PPP1R1C: variants seen among roughly 807,000 people sequenced by gnomAD.
PPP1R1C encodes protein phosphatase 1 regulatory inhibitor subunit 1C.
PPP1R1C carries 15 observed loss-of-function variants against 17.4 expected under a neutral mutation model. That is an observed-to-expected ratio of 0.86 (90% CI 0.58 to 1.33). The LOEUF (loss-of-function observed/expected upper bound fraction) is 1.33, where lower values mean the gene tolerates loss of function less well. Among genes scored for constraint, PPP1R1C ranks in the 40% most tolerant of loss-of-function variants. The pLI is 0.00. For missense variants in PPP1R1C, 143 were observed against 130.0 expected (o/e 1.10, Z -0.48); for synonymous variants, 35 against 43.1 (o/e 0.81, Z 0.73).
rs138060673 is a variant in PPP1R1C, at chr2:182,123,868, T to C, written c.*7-5106T>C. Among the ~76,000 whole-genome samples the C allele has an allele frequency of 2.8e-3, 430 of 152,354 alleles. 4 individuals are homozygous for C. The highest frequency in any genetic ancestry group is 4.7e-3 in the Non-Finnish European group (318 of 68,034). ...AGCTCTTTAGTTTAATTGGATCCCA[T>C]TTGTCAATTTTGGCTTTTGTTGCCA... On this transcript the variant is annotated intron_variant, in intron 5 of 5. Transcript: ENST00000280295.
chr2:182,076,283 C>T (rs1688308477), intron 4 of PPP1R1C, among the ~76,000 whole-genome samples: 1 of 135,280 alleles, frequency 7.4e-6, no homozygotes, highest in Non-Finnish European at 1.5e-5. Flanking sequence ...CAAGCTCTGC[C>T]TCCCAGGTTC....
intron 4 of PPP1R1C, among the ~76,000 whole-genome samples, chr2:182,080,612 A>G (rs544915252): frequency 6.6e-6 from 1 of 152,336 alleles, no homozygotes; most frequent in South Asian, 2.1e-4. Flanking sequence ...TCTAATTCAG[A>G]CTATATGTCT....
intron 1 of PPP1R1C, among the ~76,000 whole-genome samples, chr2:181,986,803 C>A (rs1685310594): frequency 6.6e-6 from 1 of 152,144 alleles, no homozygotes; most frequent in Non-Finnish European, 1.5e-5. Flanking sequence ...TGGTTTACAT[C>A]TGTATCACCT....
intron 5 of PPP1R1C, among the ~76,000 whole-genome samples, chr2:182,128,256 A>G (rs370801917): frequency 3.9e-5 from 6 of 152,244 alleles, no homozygotes; most frequent in East Asian, 1.9e-4. Context: ...TCTGATAATG[A>G]TAAGTTTCTG....
At chr2:182,055,541 GTA>G (rs1687657019) in intron 2 of PPP1R1C, among the ~76,000 whole-genome samples, 1 of 152,102 alleles carries the variant, frequency 6.6e-6, no homozygotes, top group Non-Finnish European at 1.5e-5. Flanking sequence ...GCTAGTGAGG[GTA>G]TATCTGCTAC....
intron 2 of PPP1R1C, among the ~76,000 whole-genome samples, chr2:182,013,218 T>G (rs984679811): frequency 1.3e-5 from 2 of 152,160 alleles, no homozygotes; most frequent in Non-Finnish European, 2.9e-5. Context: ...AGATTTGGTG[T>G]TGTTGAGATC....
chr2:182,126,967 CTT>C (rs1412724085), intron 5 of PPP1R1C, among the ~76,000 whole-genome samples: 1 of 152,026 alleles, frequency 6.6e-6, no homozygotes, highest in Admixed American at 6.6e-5. Context: ...ATAAACATGA[CTT>C]AACAGGGTTT....
chr2:182,008,417 A>G (rs1216581323), intron 2 of PPP1R1C, among the ~76,000 whole-genome samples: 2 of 151,558 alleles, frequency 1.3e-5, no homozygotes, highest in East Asian at 1.9e-4. Flanking sequence ...GTGTAAAGCA[A>G]GAAGGTTTTG....
At chr2:182,044,526 G>T (rs1417170716) in intron 2 of PPP1R1C, among the ~76,000 whole-genome samples, 1 of 151,976 alleles carries the variant, frequency 6.6e-6, no homozygotes, top group East Asian at 1.9e-4. Context: ...ACTCACCTTT[G>T]CTGGCCATCT....
At position 181,987,704 on chromosome 2, in the gene PPP1R1C, C is replaced by A. The variant is rs1415657387; in HGVS notation, c.82-135C>A. ...TATTTCAAAATAAAATTAGTGAGCACCTTCCATGTGTCCTCCAGAAATTTG... is the reference window on the plus strand; with the variant it reads ...TATTTCAAAATAAAATTAGTGAGCAACTTCCATGTGTCCTCCAGAAATTTG... On this transcript the variant is annotated intron_variant, in intron 1 of 4. Coordinates refer to ENST00000682840, the MANE Select transcript of PPP1R1C (RefSeq NM_001080545.3). 25 of 761,082 alleles carry A rather than the reference C, an allele frequency of 3.3e-5. No homozygotes were observed. The East Asian group carries it at 6.5e-4, about 20-fold the overall frequency. The allele number at this position is 761,082 out of a possible 1,614,324, so 47.1% of individuals were successfully genotyped here.
At chr2:182,009,551 G>A (rs1439127171) in intron 2 of PPP1R1C, among the ~76,000 whole-genome samples, 1 of 151,852 alleles carries the variant, frequency 6.6e-6, no homozygotes, top group African/African-American at 2.4e-5. Flanking sequence ...GAGTAGTTTT[G>A]AATATTTTCT....
intron 2 of PPP1R1C, among the ~76,000 whole-genome samples, chr2:182,027,195 C>A (rs28773780): frequency 1.7e-5 from 2 of 114,302 alleles, no homozygotes; most frequent in South Asian, 3.4e-4. Flanking sequence ...AATTGAATAC[C>A]CTTTATTTCC....
chr2:182,131,059 A>G (rs1385422929), downstream of PPP1R1C: 1 of 152,238 alleles, frequency 6.6e-6, no homozygotes, highest in Non-Finnish European at 1.5e-5. Context: ...TAAAAAATAG[A>G]CATTGTCATC....
intron 4 of PPP1R1C, among the ~76,000 whole-genome samples, chr2:182,075,759 T>C (rs1373645974): frequency 6.6e-6 from 1 of 152,226 alleles, no homozygotes; most frequent in Non-Finnish European, 1.5e-5. Flanking sequence ...CACTACTCTA[T>C]GTCCATTTCA....
chr2:182,111,057 G>A (rs925776502), intron 4 of PPP1R1C, among the ~76,000 whole-genome samples: 1 of 151,954 alleles, frequency 6.6e-6, no homozygotes, highest in Non-Finnish European at 1.5e-5. Flanking sequence ...AAAGATGTGG[G>A]CTCTTTACGT....
intron 2 of PPP1R1C, among the ~76,000 whole-genome samples, chr2:182,047,335 G>A (rs1687377897): frequency 6.6e-6 from 1 of 151,964 alleles, no homozygotes; most frequent in South Asian, 2.1e-4. Context: ...ATATATTATT[G>A]GAAAAGGATT....
Position 181,961,934 on chromosome 2 carries a change from A to T in PPP1R1C, n.111+7300A>T. The T allele has an allele frequency of 1.3e-6, 1 of 743,052 alleles. No homozygotes were observed. The highest frequency in any genetic ancestry group is 2.5e-6 in the Non-Finnish European group (1 of 404,356). The allele number at this position is 743,052 out of a possible 1,614,324, so 46.0% of individuals were successfully genotyped here. A position where few individuals can be genotyped will look rare whatever the true frequency, so the allele number is the denominator to read the frequency against. On this transcript the variant is annotated intron_variant and non_coding_transcript_variant, in intron 1 of 5. Coordinates refer to the PPP1R1C transcript ENST00000464264. The surrounding 1 kb of genome is among the most constrained non-coding windows in gnomAD (Gnocchi z 5.8). ...ATCAGTGACCTTGTGGAGCCCATGG[A>T]TGTCACTCCCCACAGACGGGTGCAT...
chr2:182,079,084 C>T (rs529317800), intron 4 of PPP1R1C, among the ~76,000 whole-genome samples: 1 of 152,162 alleles, frequency 6.6e-6, no homozygotes, highest in South Asian at 2.1e-4. Context: ...ATATAGTTGA[C>T]TCTACAGAAT....
chr2:182,009,491 A>G (rs981151393), intron 2 of PPP1R1C, among the ~76,000 whole-genome samples: 1 of 152,014 alleles, frequency 6.6e-6, no homozygotes, highest in Non-Finnish European at 1.5e-5. Context: ...GTTTGCCTAT[A>G]CTGTTGCTTG....
Sources: allele counts gnomAD v4.1 joint callset (sites outside exome capture counted in the v4.1 genomes callset), GRCh38; gene constraint gnomAD v4.1.1; non-coding constraint Gnocchi (gnomAD v3.1); transcripts MANE v1.5; gene names NCBI Gene and HGNC (gene_info 2026-07-23, HGNC 2026-07-21).